The following CCDC171 variants were observed in gnomAD, a reference collection of about 807,000 sequenced individuals.
The protein encoded by CCDC171 is coiled-coil domain containing 171.
CCDC171 carries 177 observed loss-of-function variants against 168.2 expected under a neutral mutation model. The observed-to-expected ratio is 1.05, with a 90% CI of 0.93 to 1.19. The LOEUF is 1.19. CCDC171 is among the 50% of genes most tolerant of loss of function. CCDC171 has a pLI of 0.00. For missense variants in CCDC171, 1,991 were observed against 1,539.0 expected (o/e 1.29, Z -4.91); for synonymous variants, 687 against 540.8 (o/e 1.27, Z -3.75).
chr9:15,809,123 A>AACT (rs2059211954), intron 21 of CCDC171, among the ~76,000 whole-genome samples: 1 of 152,202 alleles, frequency 6.6e-6, no homozygotes, highest in Non-Finnish European at 1.5e-5. Context: ...TTAGGATTTC[A>AACT]ACATAAAAAT....
intron 2 of CCDC171, 112 bp from the exon 3 acceptor site, chr9:15,571,512 C>G (rs1587042080): frequency 1.2e-6 from 1 of 833,554 alleles, no homozygotes; most frequent in East Asian, 2.9e-5. Flanking sequence ...AAGTCAAGAA[C>G]CATGTCATGT....
At chr9:15,666,512 A>G (rs2048745943) in intron 9 of CCDC171, among the ~76,000 whole-genome samples, 189 bp downstream of exon 9, 1 of 152,214 alleles carries the variant, frequency 6.6e-6, no homozygotes, top group African/African-American at 2.4e-5. Context: ...TCTTTTGGAT[A>G]TTGAAGTATA....
chr9:15,701,307 A>T (rs2051715331), intron 11 of CCDC171, among the ~76,000 whole-genome samples: 1 of 152,146 alleles, frequency 6.6e-6, no homozygotes. Context: ...TAGCCATAAA[A>T]TCTTTGCCTA....
chr9:15,730,192 C>T (rs970337949), intron 16 of CCDC171, among the ~76,000 whole-genome samples: 4 of 150,840 alleles, frequency 2.7e-5, no homozygotes, highest in Non-Finnish European at 4.4e-5. Context: ...CCTATGTGAA[C>T]CATCATTTAA....
chr9:16,046,189 A>G (rs1833656248), intron 1 of CCDC171, among the ~76,000 whole-genome samples: 1 of 152,198 alleles, frequency 6.6e-6, no homozygotes, highest in Non-Finnish European at 1.5e-5. Context: ...AGAATGCTTT[A>G]GAAAGAGGAA....
At chr9:16,038,953 C>A (rs540772170), upstream of CCDC171, among the ~76,000 whole-genome samples, 116 of 148,474 alleles carry the variant, frequency 7.8e-4, no homozygotes, top group African/African-American at 2.6e-3. Context: ...GGTTGTTATA[C>A]AAAATGTAAC....
chr9:15,655,391 T>A (rs2047851957), intron 7 of CCDC171, among the ~76,000 whole-genome samples: 1 of 152,210 alleles, frequency 6.6e-6, no homozygotes, highest in Non-Finnish European at 1.5e-5. Flanking sequence ...CATAGTTCTG[T>A]TTTTCTGTCC....
At chr9:15,974,544 A>G (rs969430901), downstream of CCDC171, among the ~76,000 whole-genome samples, 1 of 152,208 alleles carries the variant, frequency 6.6e-6, no homozygotes, top group Non-Finnish European at 1.5e-5. Context: ...AAACACACCT[A>G]TATCACCTAT....
chr9:15,722,977 G>T (rs2053581314), intron 12 of CCDC171, among the ~76,000 whole-genome samples: 2 of 152,156 alleles, frequency 1.3e-5, no homozygotes, highest in African/African-American at 4.8e-5. Flanking sequence ...TGTTATTTGG[G>T]AGGATGAATG....
downstream of CCDC171, among the ~76,000 whole-genome samples, chr9:15,975,794 C>T (rs886668690): frequency 4.6e-5 from 7 of 152,096 alleles, no homozygotes; most frequent in South Asian, 2.1e-4. Flanking sequence ...AATGGCCGTA[C>T]GAGATGTTCA....
In CCDC171 at chr9:16,052,768, A is replaced by G. The variant is rs1378032931; in HGVS notation, n.90-7878A>G. ...TTTCTTCCCCTCTGTTCACTCCACA[A>G]ACTCTCTTTCTTTCCTCCCCCAACC... On this transcript the variant is annotated intron_variant and non_coding_transcript_variant, in intron 1 of 1. Coordinates refer to the CCDC171 transcript ENST00000478913. Among the ~76,000 whole-genome samples the G allele has an allele frequency of 2.6e-5, 4 of 151,856 alleles. No individual in the cohort carries two copies. In the East Asian group the frequency reaches 5.8e-4, roughly 22 times the overall value.
chr9:15,973,732 C>T lies in CCDC171; in HGVS notation c.*1896C>T, dbSNP rs1313742732. The T allele has an allele frequency of 1.3e-5, 2 of 152,156 alleles. No homozygotes were observed. The highest frequency in any genetic ancestry group is 6.6e-5 in the Admixed American group (1 of 15,260). 9.4% of individuals were successfully genotyped at this position (152,156 alleles called of 1,614,324 possible). On this transcript the variant is annotated 3_prime_UTR_variant, in exon 26 of 26. Transcript: ENST00000380701. Reference sequence around the variant, plus strand: ...TTTCTGCACATTTCAGAACACCTTTCTCTGCTGTTCCAAACAATGATTAGG... The same window carrying T: ...TTTCTGCACATTTCAGAACACCTTTTTCTGCTGTTCCAAACAATGATTAGG...
intron 2 of CCDC171, among the ~76,000 whole-genome samples, chr9:15,565,084 C>A (rs546294351): frequency 6.7e-4 from 91 of 135,870 alleles, no homozygotes; most frequent in Middle Eastern, 4.2e-3. Context: ...ACCCACCCCC[C>A]ACTTTTTTTT....
intron 24 of CCDC171, chr9:15,887,948 G>C (rs1375392883): frequency 3.3e-5 from 5 of 152,214 alleles, no homozygotes. Context: ...CCAGTGGTCA[G>C]GCTGAGCTGA....
intron 21 of CCDC171, among the ~76,000 whole-genome samples, chr9:15,794,883 C>G (rs2058472465): frequency 6.6e-6 from 1 of 152,104 alleles, no homozygotes; most frequent in African/African-American, 2.4e-5. Context: ...TCACTTGGGA[C>G]TTTTAGATCT....
intron 25 of CCDC171, among the ~76,000 whole-genome samples, chr9:15,927,139 C>T (rs966686205): frequency 2.6e-5 from 4 of 151,612 alleles, no homozygotes; most frequent in Non-Finnish European, 5.9e-5. Context: ...CTTTAGGTAA[C>T]ATTTTCAGTT....
At chr9:15,921,857 A>G (rs887082375) in intron 25 of CCDC171, among the ~76,000 whole-genome samples, 1 of 151,546 alleles carries the variant, frequency 6.6e-6, no homozygotes, top group Non-Finnish European at 1.5e-5. Flanking sequence ...TTAATTTTAC[A>G]TTATACTGTT....
chr9:15,631,735 C>T (rs961253461), intron 7 of CCDC171, among the ~76,000 whole-genome samples: 2 of 152,124 alleles, frequency 1.3e-5, no homozygotes, highest in African/African-American at 4.8e-5. Context: ...AATTTTAGAC[C>T]ACTATCCTTG....
chr9:15,757,782 C>T (rs2056215834), intron 18 of CCDC171, among the ~76,000 whole-genome samples: 1 of 152,170 alleles, frequency 6.6e-6, no homozygotes, highest in Non-Finnish European at 1.5e-5. Flanking sequence ...CCAGCTGCTC[C>T]AGCTGTGGGG....
Sources: allele counts gnomAD v4.1 joint callset (sites outside exome capture counted in the v4.1 genomes callset), GRCh38; gene constraint gnomAD v4.1.1; transcripts MANE v1.5; gene names NCBI Gene and HGNC (gene_info 2026-07-23, HGNC 2026-07-21).